The following AGPAT3 variants were observed in gnomAD, a reference collection of about 807,000 sequenced individuals.
The protein encoded by AGPAT3 is 1-acyl-sn-glycerol-3-phosphate acyltransferase gamma.
Under a neutral mutation model 47.3 loss-of-function variants are expected in AGPAT3, and 5 were observed. The observed-to-expected ratio is 0.11, with a 90% CI of 0.06 to 0.22. The LOEUF (loss-of-function observed/expected upper bound fraction) is 0.22, where lower values mean the gene tolerates loss of function less well. AGPAT3 is among the 10% of genes least tolerant of loss of function. AGPAT3 has a pLI of 1.00. For missense variants in AGPAT3, 315 were observed against 493.0 expected (o/e 0.64, Z 3.42); for synonymous variants, 212 against 208.3 (o/e 1.02, Z -0.15).
At chr21:43,961,611 CTT>C (rs2088858204) in intron 3 of AGPAT3, among the ~76,000 whole-genome samples, 2 of 151,274 alleles carry the variant, frequency 1.3e-5, no homozygotes, top group East Asian at 1.9e-4. Context: ...CCCACATACA[CTT>C]TGTCTCATAT....
intron 7 of AGPAT3, among the ~76,000 whole-genome samples, chr21:43,971,790 G>T (rs1352756664): frequency 6.6e-6 from 1 of 152,232 alleles, no homozygotes; most frequent in Non-Finnish European, 1.5e-5. Flanking sequence ...CATTGACCTG[G>T]CTTTCGAGGC....
chr21:43,887,592 A>G (rs942053641), intron 1 of AGPAT3, among the ~76,000 whole-genome samples: 12 of 152,262 alleles, frequency 7.9e-5, no homozygotes, highest in Admixed American at 5.2e-4. Context: ...ACACGCACAC[A>G]CACACACACA....
At chr21:43,893,063 C>T (rs2086134382) in intron 1 of AGPAT3, among the ~76,000 whole-genome samples, 1 of 152,114 alleles carries the variant, frequency 6.6e-6, no homozygotes, top group African/African-American at 2.4e-5. Context: ...GCACTGCACT[C>T]CAGCCTAGGC....
chr21:43,904,546 T>C (rs918859932), intron 2 of AGPAT3, among the ~76,000 whole-genome samples: 3 of 152,160 alleles, frequency 2.0e-5, no homozygotes, highest in South Asian at 4.2e-4. Context: ...TGCCCTGCTC[T>C]TGGGGGTTGG....
chr21:43,900,300 C>CA (rs1292840066), intron 1 of AGPAT3, among the ~76,000 whole-genome samples: 1 of 152,174 alleles, frequency 6.6e-6, no homozygotes, highest in East Asian at 1.9e-4. Context: ...CACTTCTAGC[C>CA]ATGGTGGAAG....
chr21:43,900,186 C>T (rs1321778947), intron 1 of AGPAT3, among the ~76,000 whole-genome samples: 1 of 152,192 alleles, frequency 6.6e-6, no homozygotes, highest in Non-Finnish European at 1.5e-5. Context: ...CCACTTTAGA[C>T]ATAGGTCAGT....
At position 43,908,763 on chromosome 21, in the gene AGPAT3, G is replaced by C. The variant is rs140017999; in HGVS notation, c.-49+4744G>C. Among the ~76,000 whole-genome samples the C allele has an allele frequency of 5.3e-4, 80 of 152,338 alleles. 1 individual carries two copies. In the Middle Eastern group the frequency reaches 0.024, roughly 45 times the overall value. On this transcript the variant is annotated intron_variant, in intron 2 of 9. Coordinates refer to ENST00000291572, the MANE Select transcript of AGPAT3 (RefSeq NM_020132.5). This position sits in a 1 kb window ranked among gnomAD's most constrained non-coding sequence, Gnocchi z 4.9. ...GGGCGAGGATCAAAGCCCGTGCTGC[G>C]TCAGCGTGGTGGCCTGCCAGCTCCA...
At position 43,984,426 on chromosome 21, in the gene AGPAT3, A is replaced by G. The variant is rs2030040925; in HGVS notation, c.*2034A>G. On this transcript the variant is annotated 3_prime_UTR_variant, in exon 10 of 10. Coordinates refer to ENST00000291572, the MANE Select transcript of AGPAT3 (RefSeq NM_020132.5). ...GACCATGCACATATGTGACCTGGAA[A>G]ATGCAAATTTAGATCTTTTATGATT... 6.6e-6 allele frequency: 1 copy of G among 152,532 alleles called. No homozygotes were observed. 9.4% of individuals were successfully genotyped at this position (152,532 alleles called of 1,614,324 possible).
At chr21:43,865,931 C>T (rs997199040) in intron 1 of AGPAT3, among the ~76,000 whole-genome samples, 1 of 152,022 alleles carries the variant, frequency 6.6e-6, no homozygotes, top group African/African-American at 2.4e-5. Flanking sequence ...CCGGGGTTGG[C>T]TGTGGGTTCG....
At chr21:43,935,320 C>T (rs1013847753) in intron 2 of AGPAT3, among the ~76,000 whole-genome samples, 2 of 152,262 alleles carry the variant, frequency 1.3e-5, no homozygotes, top group Non-Finnish European at 2.9e-5. Context: ...AGGGGCAGCA[C>T]CCTCCAGTAG....
intron 5 of AGPAT3, among the ~76,000 whole-genome samples, chr21:43,969,574 G>A (rs567432884): frequency 5.9e-5 from 9 of 152,376 alleles, no homozygotes; most frequent in Admixed American, 5.9e-4. Context: ...TGCCCGCCCT[G>A]CTCAGTGTGC....
In AGPAT3 at chr21:43,969,253, C is replaced by T. The variant is rs1453115347; in HGVS notation, c.484C>T (p.Leu162=). The T allele has an allele frequency of 6.2e-7, 1 of 1,614,230 alleles. No individual in the cohort carries two copies. Among genetic ancestry groups the T allele is most frequent in the East Asian group, 2.2e-5 (1 of 44,888 alleles). Residue 162 remains leucine, a synonymous_variant, in exon 5 of 10, where the codon CTG becomes TTG. Transcript: ENST00000291572. Reference sequence around the variant, plus strand: ...CACCGTGGTCGAAGGGCTGAGGCGCCTGTCGGACTACCCCGAGTACATGTG... The same window carrying T: ...CACCGTGGTCGAAGGGCTGAGGCGCTTGTCGGACTACCCCGAGTACATGTG... ...RDTVVEGLRR[L]SDYPEYMWFL...
In AGPAT3 at chr21:43,954,917, TA is replaced by T; in HGVS notation, c.-48-4716del. The T allele has an allele frequency of 1.3e-6, 1 of 745,782 alleles. No homozygotes were observed. The allele number at this position is 745,782 out of a possible 1,614,324, so 46.2% of individuals were successfully genotyped here. The stretch of plus-strand genomic sequence containing the variant: ...CCGGGGAGTCTCTGCGTAGACTTTC[TA>T]GCCCAGAGGTTCAGGTGATGGACCA... On this transcript the variant is annotated intron_variant, in intron 2 of 9. Transcript: ENST00000291572. This position sits in a 1 kb window ranked among gnomAD's most constrained non-coding sequence, Gnocchi z 4.0.
In AGPAT3 at chr21:43,985,631, G is replaced by A. The variant is rs903168582; in HGVS notation, c.*3239G>A. ...GCTGTCCATGCCTGTTGTGACTACC[G>A]GTTGGGGTCAGATTTGGGGTGAAGA... On this transcript the variant is annotated 3_prime_UTR_variant, in exon 10 of 10. Transcript: ENST00000291572. 12 of 217,814 alleles carry A rather than the reference G, an allele frequency of 5.5e-5. No individual in the cohort carries two copies. Among genetic ancestry groups the A allele is most frequent in the Middle Eastern group, 2.0e-3 (1 of 488 alleles). 13.5% of individuals were successfully genotyped at this position (217,814 alleles called of 1,614,324 possible).
At position 43,954,863 on chromosome 21, in the gene AGPAT3, A is replaced by G. The variant is rs370337003; in HGVS notation, c.-48-4771A>G. On this transcript the variant is annotated intron_variant, in intron 2 of 9. Coordinates refer to ENST00000291572, the MANE Select transcript of AGPAT3 (RefSeq NM_020132.5). This position sits in a 1 kb window ranked among gnomAD's most constrained non-coding sequence, Gnocchi z 4.0. ...CTGTGTGGCACCCGGGCCAGGAGAA[A>G]CATGTGCCAGAGGGCAGGCGTGGGC... 1.0e-4 allele frequency: 27 copies of G among 261,192 alleles called. No individual in the cohort carries two copies. In the East Asian group the frequency reaches 3.3e-3, roughly 32 times the overall value. The allele number at this position is 261,192 out of a possible 1,614,324, so 16.2% of individuals were successfully genotyped here.
chr21:43,873,850 C>T (rs9976744), intron 1 of AGPAT3, among the ~76,000 whole-genome samples: 53,997 of 152,024 alleles, frequency 0.36, 9,806 homozygotes, highest in East Asian at 0.53. Context: ...AACCAGCTAT[C>T]AGTCTTACTC....
At chr21:43,897,717 C>G (rs1238884832) in intron 1 of AGPAT3, among the ~76,000 whole-genome samples, 1 of 152,080 alleles carries the variant, frequency 6.6e-6, no homozygotes, top group Non-Finnish European at 1.5e-5. Flanking sequence ...GGCAGAGACG[C>G]TCCTCACTTC....
rs1473887711 is a variant in AGPAT3, at chr21:43,934,019, C to A, written c.-48-25615C>A. ...GTGCCGCTTCCTTTCTCAGTCATGGCCAGCTGCCGAATGCCGTACCAGGGC... is the reference window on the plus strand; with the variant it reads ...GTGCCGCTTCCTTTCTCAGTCATGGACAGCTGCCGAATGCCGTACCAGGGC... On this transcript the variant is annotated intron_variant, in intron 2 of 9. Transcript: ENST00000291572. This position sits in a 1 kb window ranked among gnomAD's most constrained non-coding sequence, Gnocchi z 4.7. Among the ~76,000 whole-genome samples the A allele has an allele frequency of 6.6e-6, 1 of 152,238 alleles. No individual in the cohort carries two copies. Among genetic ancestry groups the A allele is most frequent in the Non-Finnish European group, 1.5e-5 (1 of 68,036 alleles).
intron 4 of AGPAT3, 77 bp downstream of exon 4, chr21:43,968,192 G>A (rs2089228726): frequency 5.9e-6 from 9 of 1,518,112 alleles, no homozygotes; most frequent in Non-Finnish European, 8.1e-6. Flanking sequence ...GGGACCCAGG[G>A]AGGGCCGGGG....
Sources: gnomAD v4.1 joint callset for allele counts (sites outside exome capture counted in the v4.1 genomes callset) on GRCh38, gnomAD v4.1.1 for gene constraint, Gnocchi (gnomAD v3.1) non-coding constraint, MANE v1.5 for transcripts, NCBI Gene and HGNC (gene_info 2026-07-23, HGNC 2026-07-21) for gene names.